CNIH3: variants seen among roughly 807,000 people sequenced by gnomAD.
The protein encoded by CNIH3 is cornichon family AMPA receptor auxiliary protein 3, also known as protein cornichon homolog 3.
In CNIH3, 14 loss-of-function variants were observed where a neutral mutation model predicts 24.1. That is an observed-to-expected ratio of 0.58 (90% CI 0.38 to 0.91). The LOEUF (loss-of-function observed/expected upper bound fraction) is 0.91, where lower values mean the gene tolerates loss of function less well. Among genes scored for constraint, CNIH3 ranks in the 40% least tolerant of loss-of-function variants. The probability of loss-of-function intolerance (pLI) is 0.00; values close to 1 mark genes in which losing one functional copy is unlikely to be tolerated. For synonymous variants in CNIH3, 68 were observed against 73.8 expected (o/e 0.92, Z 0.40); for missense variants, 178 against 196.8 (o/e 0.90, Z 0.57).
At chr1:224,567,766 A>G (rs1452276076) in intron 4 of CNIH3, among the ~76,000 whole-genome samples, 1 of 152,224 alleles carries the variant, frequency 6.6e-6, no homozygotes, top group Non-Finnish European at 1.5e-5. Flanking sequence ...CCACCCAGGT[A>G]GAAATCAAGG....
chr1:224,646,199 A>G (rs990018850), intron 1 of CNIH3, among the ~76,000 whole-genome samples: 1 of 152,192 alleles, frequency 6.6e-6, no homozygotes, highest in Non-Finnish European at 1.5e-5. Flanking sequence ...CATCACAGAG[A>G]GGTGGCACTT....
intron 1 of CNIH3, among the ~76,000 whole-genome samples, chr1:224,471,521 C>T (rs1388212594): frequency 6.6e-6 from 1 of 152,030 alleles, no homozygotes; most frequent in African/African-American, 2.4e-5. Context: ...CTTTCAGTGC[C>T]TAGCTTATTT....
At chr1:224,628,045 G>C (rs1473291142) in intron 1 of CNIH3, among the ~76,000 whole-genome samples, 7 of 152,134 alleles carry the variant, frequency 4.6e-5, no homozygotes, top group African/African-American at 1.7e-4. Flanking sequence ...AATTGAGTTT[G>C]AATCAGACTG....
chr1:224,702,395 C>G (rs1390451587), intron 3 of CNIH3, among the ~76,000 whole-genome samples: 3 of 152,188 alleles, frequency 2.0e-5, no homozygotes, highest in African/African-American at 7.2e-5. Context: ...TAAATTTATA[C>G]TTTTCTTAAA....
chr1:224,650,830 C>G (rs942511085), intron 1 of CNIH3, among the ~76,000 whole-genome samples: 1 of 152,032 alleles, frequency 6.6e-6, no homozygotes, highest in East Asian at 1.9e-4. Context: ...TGGTGGAGCC[C>G]CCTGTTGTTG....
At chr1:224,575,442 AT>A (rs57325458) in intron 4 of CNIH3, 198,639 of 629,376 alleles carry the variant, frequency 0.32, 19,836 homozygotes, top group Admixed American at 0.43. Flanking sequence ...TTTCTGTCTC[AT>A]TTTTTTTTTT....
At position 224,506,285 on chromosome 1, in the gene CNIH3, G is replaced by GCACACACACA. The variant is rs61334962; in HGVS notation, n.204-9455_204-9454insACACACACAC. On this transcript the variant is annotated intron_variant and non_coding_transcript_variant, in intron 1 of 5. Transcript: ENST00000471578. ...TGCACGCACACGCGCGCGCGCGCGCGCGCACACACACACACACACGGTCAC... is the reference window on the plus strand; with the variant it reads ...TGCACGCACACGCGCGCGCGCGCGCGCACACACACACGCACACACACACACACACGGTCAC... 2.8e-3 allele frequency among the ~76,000 whole-genome samples: 409 copies of GCACACACACA among 143,716 alleles called. No individual in the cohort carries two copies. In the Middle Eastern group the frequency reaches 0.036, roughly 13 times the overall value. 94.3% of individuals were successfully genotyped at this position (143,716 alleles called of 152,430 possible).
chr1:224,454,252 A>T (rs909387832), intron 1 of CNIH3: 1 of 787,838 alleles, frequency 1.3e-6, no homozygotes, highest in Non-Finnish European at 1.5e-6. Flanking sequence ...CATTTCTACT[A>T]GTAAGTTTTT....
chr1:224,634,475 A>G (rs1683983444), intron 1 of CNIH3, among the ~76,000 whole-genome samples: 1 of 151,954 alleles, frequency 6.6e-6, no homozygotes, highest in African/African-American at 2.4e-5. Flanking sequence ...AGGCTGAGGC[A>G]GGAGAATTGC....
At chr1:224,643,028 G>A (rs929168289) in intron 1 of CNIH3, among the ~76,000 whole-genome samples, 1 of 152,174 alleles carries the variant, frequency 6.6e-6, no homozygotes, top group African/African-American at 2.4e-5. Flanking sequence ...ATTTCTGCCT[G>A]TGTCAACCAG....
intron 1 of CNIH3, among the ~76,000 whole-genome samples, chr1:224,628,185 C>T (rs984962119): frequency 3.9e-5 from 6 of 152,058 alleles, no homozygotes; most frequent in Non-Finnish European, 7.4e-5. Context: ...CTGTATTCGC[C>T]GGCTACCTGA....
intron 1 of CNIH3, among the ~76,000 whole-genome samples, chr1:224,520,788 A>G (rs1407874585): frequency 6.6e-6 from 1 of 152,226 alleles, no homozygotes; most frequent in Non-Finnish European, 1.5e-5. Context: ...CTGCATGAAG[A>G]GAGGCTCATG....
intron 1 of CNIH3, among the ~76,000 whole-genome samples, chr1:224,451,757 C>A (rs543075848): frequency 6.6e-6 from 1 of 152,310 alleles, no homozygotes; most frequent in South Asian, 2.1e-4. Flanking sequence ...GGCTCCCTGA[C>A]TTCCAGAACA....
At position 224,705,859 on chromosome 1, in the gene CNIH3, C is replaced by CT. The variant is rs869143802; in HGVS notation, c.198+21031dup. 2.4e-3 allele frequency among the ~76,000 whole-genome samples: 214 copies of CT among 88,892 alleles called. 1 individual carries two copies. The highest frequency in any genetic ancestry group is 3.6e-3 in the African/African-American group (85 of 23,454). 58.3% of individuals were successfully genotyped at this position (88,892 alleles called of 152,430 possible). ...TTTCTCTCTTTCTTTTCTTTTTTTT[C>CT]TTTTTTTTTTTTTTTGAGCTGAACC... On this transcript the variant is annotated intron_variant, in intron 3 of 5. Transcript: ENST00000272133.
chr1:224,459,881 A>ATT (rs3065475), intron 1 of CNIH3, among the ~76,000 whole-genome samples: 11,119 of 136,048 alleles, frequency 0.082, 1,321 homozygotes, highest in African/African-American at 0.26. Flanking sequence ...TGGAACCCCT[A>ATT]TTTTTTTTTT....
downstream of CNIH3, among the ~76,000 whole-genome samples, chr1:224,538,351 A>G (rs1185058948): frequency 6.6e-6 from 1 of 152,150 alleles, no homozygotes; most frequent in Non-Finnish European, 1.5e-5. Flanking sequence ...GGAATGTGGT[A>G]GTTTTTGGCA....
chr1:224,437,889 A>T (rs2102939415), intron 1 of CNIH3, among the ~76,000 whole-genome samples: 1 of 150,994 alleles, frequency 6.6e-6, no homozygotes, highest in Admixed American at 6.7e-5. Flanking sequence ...ATAATTAACA[A>T]ATCACTAGTA....
At chr1:224,656,278 T>C (rs1685090876) in intron 1 of CNIH3, among the ~76,000 whole-genome samples, 1 of 152,222 alleles carries the variant, frequency 6.6e-6, no homozygotes, top group South Asian at 2.1e-4. Context: ...CTGTGTACTT[T>C]TATTTTGCTT....
chr1:224,580,674 A>C (rs1681234483), intron 4 of CNIH3, among the ~76,000 whole-genome samples: 1 of 152,054 alleles, frequency 6.6e-6, no homozygotes. Context: ...TAAAAATACA[A>C]AAATTAGCCA....
Sources: allele counts gnomAD v4.1 joint callset (sites outside exome capture counted in the v4.1 genomes callset), GRCh38; gene constraint gnomAD v4.1.1; transcripts MANE v1.5; gene names NCBI Gene and HGNC (gene_info 2026-07-23, HGNC 2026-07-21).